The following ATP2B2 variants were observed in gnomAD, a reference collection of about 807,000 sequenced individuals.
ATP2B2 encodes the protein ATPase plasma membrane Ca2+ transporting 2.
In ATP2B2, 15 loss-of-function variants were observed where a neutral mutation model predicts 120.0. The ratio of observed to expected loss-of-function variants is 0.12; its 90% CI spans 0.08 to 0.19. The LOEUF (loss-of-function observed/expected upper bound fraction) is 0.19, where lower values mean the gene tolerates loss of function less well. Among genes scored for constraint, ATP2B2 ranks in the 10% least tolerant of loss-of-function variants. The pLI, the probability that ATP2B2 is intolerant of heterozygous loss-of-function variation, is 1.00. For missense variants in ATP2B2, 1,045 were observed against 1,719.8 expected, an observed-to-expected ratio of 0.61 and a Z score of 6.94; for synonymous variants, 694 against 700.3, an observed-to-expected ratio of 0.99 and a Z score of 0.14.
At chr3:10,344,443 A>G (rs915960009) in intron 18 of ATP2B2, among the ~76,000 whole-genome samples, 9 of 152,108 alleles carry the variant, frequency 5.9e-5, no homozygotes, top group African/African-American at 2.2e-4. Flanking sequence ...GCTGCCACCT[A>G]TATTCCCCCA....
chr3:10,331,913 G>T, intron 22 of ATP2B2: 3 of 1,452,436 alleles, frequency 2.1e-6, no homozygotes, highest in Non-Finnish European at 2.8e-6. Flanking sequence ...ATGTTTACCC[G>T]GCTTCAAGGA....
At chr3:10,645,458 G>A (rs1338185129) in intron 1 of ATP2B2, among the ~76,000 whole-genome samples, 2 of 152,184 alleles carry the variant, frequency 1.3e-5, no homozygotes, top group Non-Finnish European at 2.9e-5. Context: ...ATTTAGAGGT[G>A]AGGTGTAAGG....
chr3:10,378,429 G>A lies in ATP2B2; in HGVS notation c.1043-19C>T, dbSNP rs41293347. On this transcript the variant is annotated intron_variant, in intron 9 of 22. Coordinates refer to ENST00000360273, the MANE Select transcript of ATP2B2 (RefSeq NM_001001331.4). Reference sequence around the variant, plus strand: ...TGTTTGGCTGCAGGGGGCAGATCACGCACGTGCATACACACAGACACATAG... The same window carrying A: ...TGTTTGGCTGCAGGGGGCAGATCACACACGTGCATACACACAGACACATAG... 43,395 of 1,599,502 alleles carry A rather than the reference G, an allele frequency of 0.027. 700 individuals carry two copies. Among genetic ancestry groups the A allele is most frequent in the Middle Eastern group, 0.048 (293 of 6,050 alleles).
intron 12 of ATP2B2, among the ~76,000 whole-genome samples, chr3:10,364,371 G>T (rs930525197): frequency 2.6e-5 from 4 of 152,086 alleles, no homozygotes; most frequent in Non-Finnish European, 5.9e-5. Context: ...AAATTTTATG[G>T]TATATATATT....
At chr3:10,365,025 C>T (rs1164543514) in intron 12 of ATP2B2, among the ~76,000 whole-genome samples, 1 of 152,268 alleles carries the variant, frequency 6.6e-6, no homozygotes, top group Non-Finnish European at 1.5e-5. Flanking sequence ...AGGCTCACAG[C>T]TGCCTACAAG....
chr3:10,493,925 G>A (rs2066034994), intron 1 of ATP2B2, among the ~76,000 whole-genome samples: 1 of 152,192 alleles, frequency 6.6e-6, no homozygotes, highest in African/African-American at 2.4e-5. Context: ...AACAGGGCCT[G>A]TGCTCCAGTT....
intron 1 of ATP2B2, among the ~76,000 whole-genome samples, chr3:10,492,578 A>G (rs2065974051): frequency 6.6e-6 from 1 of 152,026 alleles, no homozygotes; most frequent in Non-Finnish European, 1.5e-5. Flanking sequence ...TTCTGTCTGC[A>G]CTGGCCCTCT....
chr3:10,566,256 T>C (rs1254615629), intron 2 of ATP2B2: 1 of 152,184 alleles, frequency 6.6e-6, no homozygotes, highest in Non-Finnish European at 1.5e-5. Context: ...AGACCCGGGG[T>C]AAGAGCTGAT....
upstream of ATP2B2, among the ~76,000 whole-genome samples, chr3:10,506,486 C>G (rs993216888): frequency 6.6e-6 from 1 of 152,188 alleles, no homozygotes; most frequent in African/African-American, 2.4e-5. Context: ...AGCCCCTAGC[C>G]AGCTGCTCAC....
chr3:10,548,380 A>G (rs990072335), intron 2 of ATP2B2, among the ~76,000 whole-genome samples: 24 of 152,230 alleles, frequency 1.6e-4, no homozygotes, highest in African/African-American at 5.5e-4. Context: ...CTGCCTGAGC[A>G]TGTTCTTTGG....
At chr3:10,568,387 G>C (rs2068054720) in intron 2 of ATP2B2, among the ~76,000 whole-genome samples, 1 of 152,204 alleles carries the variant, frequency 6.6e-6, no homozygotes, top group Admixed American at 6.5e-5. Flanking sequence ...GGTAGGATCA[G>C]GGCTCATGGG....
rs572776700 is a variant in ATP2B2, at chr3:10,352,770, T to C, written c.2137-2193A>G. Among the ~76,000 whole-genome samples the C allele has an allele frequency of 3.4e-4, 52 of 152,374 alleles. 1 individual carries two copies. In the South Asian group the frequency reaches 5.0e-3, roughly 15 times the overall value. On this transcript the variant is annotated intron_variant, in intron 14 of 22. Transcript: ENST00000360273. ...ATATAACTTACTAACATCCTCATGA[T>C]GGCTGTAAACTGGGCTGTGGCCCCC...
chr3:10,428,668 C>T (rs1323590061), intron 2 of ATP2B2, among the ~76,000 whole-genome samples: 3 of 152,212 alleles, frequency 2.0e-5, no homozygotes, highest in Non-Finnish European at 4.4e-5. Context: ...TCTGTGTAGC[C>T]TGAGGCTCAG....
At chr3:10,514,391 T>C (rs1281491555) in intron 3 of ATP2B2, among the ~76,000 whole-genome samples, 1 of 152,128 alleles carries the variant, frequency 6.6e-6, no homozygotes, top group Non-Finnish European at 1.5e-5. Context: ...ATGGGTTCCT[T>C]AGACCCACAA....
At position 10,576,750 on chromosome 3, in the gene ATP2B2, G is replaced by C. The variant is rs150816903; in HGVS notation, c.-414-42617C>G. Among the ~76,000 whole-genome samples, 359 of 152,154 alleles carry C rather than the reference G, an allele frequency of 2.4e-3. 2 individuals carry two copies. Among genetic ancestry groups the C allele is most frequent in the Admixed American group, 4.3e-3 (66 of 15,290 alleles). ...GGAATGACGAGCTTGGCATAACGTG[G>C]GAGGCTGTCTTCAGGACAATATAAG... On this transcript the variant is annotated intron_variant, in intron 2 of 21. Transcript: ENST00000646379.
chr3:10,619,900 A>T (rs1179942580), intron 2 of ATP2B2: 3 of 152,154 alleles, frequency 2.0e-5, no homozygotes, highest in African/African-American at 7.2e-5. Flanking sequence ...ACCAGGGCTC[A>T]TGGCTCTCAC....
Position 10,327,481 on chromosome 3 carries a change from A to G in ATP2B2, c.*1333T>C, listed in dbSNP as rs1300027764. The G allele has an allele frequency of 6.6e-6, 1 of 152,628 alleles. No individual in the cohort carries two copies. The highest frequency in any genetic ancestry group is 1.5e-5 in the Non-Finnish European group (1 of 68,052). 9.5% of individuals were successfully genotyped at this position (152,628 alleles called of 1,614,324 possible). On this transcript the variant is annotated 3_prime_UTR_variant, in exon 23 of 23. Coordinates refer to ENST00000360273, the MANE Select transcript of ATP2B2 (RefSeq NM_001001331.4). Reference sequence around the variant, plus strand: ...AGCAAGCCATACTGATCCTCATCCAATATGCCAACAGCTCAGATGCTGCCA... The same window carrying G: ...AGCAAGCCATACTGATCCTCATCCAGTATGCCAACAGCTCAGATGCTGCCA...
Position 10,402,531 on chromosome 3 carries a change from A to G in ATP2B2, c.398-183T>C, listed in dbSNP as rs1459505219. 2.0e-5 allele frequency among the ~76,000 whole-genome samples: 3 copies of G among 152,260 alleles called. No homozygotes were observed. Among genetic ancestry groups the G allele is most frequent in the Non-Finnish European group, 4.4e-5 (3 of 68,046 alleles). ...AAGTGCTTCACGCAGATCATCTCAC[A>G]GGGTATTCCCGCTGCCCATTTCACA... On this transcript the variant is annotated intron_variant, in intron 3 of 22. Coordinates refer to ENST00000360273, the MANE Select transcript of ATP2B2 (RefSeq NM_001001331.4). The surrounding 1 kb of genome is among the most constrained non-coding windows in gnomAD (Gnocchi z 4.9).
rs1185602877 is a variant in ATP2B2, at chr3:10,606,912, CAGAG to C, written c.-415+13001_-415+13004del. ...ACACACACACACACACACACACACACAGAGAGAGAGAGAGAGAGAGAGAGAGGGA... is the reference window on the plus strand; with the variant it reads ...ACACACACACACACACACACACACACAGAGAGAGAGAGAGAGAGAGAGGGA... On this transcript the variant is annotated intron_variant, in intron 2 of 21. Transcript: ENST00000646379. Among the ~76,000 whole-genome samples, 584 of 62,430 alleles carry C rather than the reference CAGAG, an allele frequency of 9.4e-3. 4 individuals carry two copies. Among genetic ancestry groups the C allele is most frequent in the African/African-American group, 0.019 (407 of 20,950 alleles). The allele number at this position is 62,430 out of a possible 152,430, so 41.0% of individuals were successfully genotyped here. A position where few individuals can be genotyped will look rare whatever the true frequency, so the allele number is the denominator to read the frequency against.
Sources: gnomAD v4.1 joint callset for allele counts (sites outside exome capture counted in the v4.1 genomes callset) on GRCh38, gnomAD v4.1.1 for gene constraint, Gnocchi (gnomAD v3.1) non-coding constraint, MANE v1.5 for transcripts, NCBI Gene and HGNC (gene_info 2026-07-23, HGNC 2026-07-21) for gene names.